The following KCNH1 variants were observed in gnomAD, a reference collection of about 807,000 sequenced individuals.
KCNH1 encodes the protein voltage-gated delayed rectifier potassium channel KCNH1.
KCNH1 carries 27 observed loss-of-function variants against 69.2 expected under a neutral mutation model. The ratio of observed to expected loss-of-function variants is 0.39; its 90% CI spans 0.29 to 0.54. The LOEUF (loss-of-function observed/expected upper bound fraction) is 0.54, where lower values mean the gene tolerates loss of function less well. Ranked by LOEUF, KCNH1 falls within the 20% of genes least tolerant of loss-of-function variation. The pLI, the probability that KCNH1 is intolerant of heterozygous loss-of-function variation, is 0.68. For synonymous variants in KCNH1, 456 were observed against 487.7 expected (o/e 0.93, Z 0.86); for missense variants, 798 against 1,261.6 (o/e 0.63, Z 5.57).
rs111608341 is a variant in KCNH1 at position 210,813,929 on chromosome 1, G to C, written c.1463-9763C>G. On this transcript the variant is annotated intron_variant, in intron 7 of 10. Coordinates refer to ENST00000271751, the MANE Select transcript of KCNH1 (RefSeq NM_172362.3). ...TATAAATGGGAGTTTCCCCACACAA[G>C]TTTTCTCTCTTGTCTGCCACCATGT... 6.1e-3 allele frequency among the ~76,000 whole-genome samples: 923 copies of C among 152,256 alleles called. 17 individuals carry two copies. The highest frequency in any genetic ancestry group is 0.021 in the African/African-American group (868 of 41,568).
At position 210,814,775 on chromosome 1, in the gene KCNH1, G is replaced by T. The variant is rs149075954; in HGVS notation, c.1463-10609C>A. On this transcript the variant is annotated intron_variant, in intron 7 of 10. Coordinates refer to ENST00000271751, the MANE Select transcript of KCNH1 (RefSeq NM_172362.3). ...TTAGTTTTCTTTCCTGAACCACCCA[G>T]TGTTCATATTTTTCCATCAATCATC... Among the ~76,000 whole-genome samples, 4 of 152,166 alleles carry T rather than the reference G, an allele frequency of 2.6e-5. No homozygotes were observed. The South Asian group carries it at 8.3e-4, about 31-fold the overall frequency.
chr1:211,021,265 T>C (rs1357894386), intron 5 of KCNH1, among the ~76,000 whole-genome samples: 1 of 151,878 alleles, frequency 6.6e-6, no homozygotes, highest in East Asian at 1.9e-4. Context: ...AAGAACTTAT[T>C]CATATAACCA....
rs1164561006 is a variant in KCNH1, at chr1:210,679,514, ATCTTCCTATACCTAG to A, written c.*3752_*3766del. The A allele has an allele frequency of 6.6e-6, 1 of 152,272 alleles. No individual in the cohort carries two copies. Among genetic ancestry groups the A allele is most frequent in the Non-Finnish European group, 1.5e-5 (1 of 68,070 alleles). 9.4% of individuals were successfully genotyped at this position (152,272 alleles called of 1,614,324 possible). ...GTCAGTGCAACAAGGGGAAATGAGA[ATCTTCCTATACCTAG>A]TCTTCCTATACCTAGTATTCCTAAA... is the stretch of plus-strand genomic sequence containing the variant. On this transcript the variant is annotated 3_prime_UTR_variant, in exon 11 of 11. Coordinates refer to ENST00000271751, the MANE Select transcript of KCNH1 (RefSeq NM_172362.3).
intron 7 of KCNH1, among the ~76,000 whole-genome samples, chr1:210,826,320 G>A (rs1373530642): frequency 1.3e-5 from 2 of 151,900 alleles, no homozygotes; most frequent in Non-Finnish European, 2.9e-5. Context: ...ATGGGTTTAT[G>A]AGGAGCTATC....
At chr1:210,853,584 G>A (rs563444623) in intron 7 of KCNH1, among the ~76,000 whole-genome samples, 5 of 152,308 alleles carry the variant, frequency 3.3e-5, no homozygotes, top group African/African-American at 1.2e-4. Context: ...ACAGAGCCCA[G>A]GCCCAGCCTG....
chr1:211,127,121 C>A (rs984685957), intron 1 of KCNH1, among the ~76,000 whole-genome samples: 1 of 152,196 alleles, frequency 6.6e-6, no homozygotes, highest in African/African-American at 2.4e-5. Context: ...ATCACAAAAG[C>A]TGTACTCATT....
intron 1 of KCNH1, among the ~76,000 whole-genome samples, chr1:211,130,840 TA>T (rs1164984156): frequency 6.6e-6 from 1 of 152,218 alleles, no homozygotes; most frequent in Non-Finnish European, 1.5e-5. Flanking sequence ...TGCCTTCAGC[TA>T]AACCACTGAC....
At chr1:210,908,595 T>A (rs1230745435) in intron 7 of KCNH1, among the ~76,000 whole-genome samples, 1 of 152,162 alleles carries the variant, frequency 6.6e-6, no homozygotes, top group Non-Finnish European at 1.5e-5. Context: ...GTATGTTCTC[T>A]GTTAATTTGA....
chr1:210,806,204 T>C (rs1375177396), intron 7 of KCNH1, among the ~76,000 whole-genome samples: 1 of 152,222 alleles, frequency 6.6e-6, no homozygotes, highest in Admixed American at 6.5e-5. Flanking sequence ...AGTTCCAGTG[T>C]CTCAATATCC....
chr1:210,872,149 C>CAAAAAAAAAA (rs60497732), intron 7 of KCNH1, among the ~76,000 whole-genome samples: 1 of 77,700 alleles, frequency 1.3e-5, no homozygotes. Context: ...GGAAGAGCAC[C>CAAAAAAAAAA]AAAAAAAAAA....
intron 9 of KCNH1, among the ~76,000 whole-genome samples, chr1:210,778,921 A>G (rs189575796): frequency 6.6e-6 from 1 of 152,342 alleles, no homozygotes; most frequent in Non-Finnish European, 1.5e-5. Flanking sequence ...TAGGTAAAAT[A>G]GTAGCACTGC....
At chr1:210,911,818 C>A (rs1242376182) in intron 7 of KCNH1, among the ~76,000 whole-genome samples, 5 of 152,154 alleles carry the variant, frequency 3.3e-5, no homozygotes, top group African/African-American at 9.7e-5. Flanking sequence ...CCACAATACA[C>A]ACAAGATATT....
At chr1:210,827,767 G>A (rs750495793) in intron 7 of KCNH1, among the ~76,000 whole-genome samples, 3 of 152,106 alleles carry the variant, frequency 2.0e-5, no homozygotes, top group Non-Finnish European at 4.4e-5. Flanking sequence ...TCACAAACCA[G>A]CTCCAATAGT....
chr1:210,968,676 G>A (rs1372555010), intron 6 of KCNH1, among the ~76,000 whole-genome samples: 2 of 152,144 alleles, frequency 1.3e-5, no homozygotes, highest in African/African-American at 4.8e-5. Context: ...GTTTAGAGAA[G>A]TGTCTGTTCA....
chr1:210,859,345 T>A, intron 7 of KCNH1: 1 of 1,524,008 alleles, frequency 6.6e-7, no homozygotes, highest in Non-Finnish European at 9.1e-7. Flanking sequence ...ATTAAGACCA[T>A]GAGTCAGACC....
chr1:210,986,880 T>C (rs1046085120), intron 6 of KCNH1, among the ~76,000 whole-genome samples: 4 of 152,264 alleles, frequency 2.6e-5, no homozygotes, highest in African/African-American at 7.2e-5. Flanking sequence ...GCAGAGTGTT[T>C]TCCAACTTGG....
intron 6 of KCNH1, among the ~76,000 whole-genome samples, chr1:211,016,234 A>G (rs1046797573): frequency 1.3e-5 from 2 of 152,024 alleles, no homozygotes; most frequent in East Asian, 3.9e-4. Context: ...TGGTTTGGAA[A>G]GAGTTCCAAC....
At chr1:210,876,309 T>G (rs1027130036) in intron 7 of KCNH1, among the ~76,000 whole-genome samples, 1 of 152,196 alleles carries the variant, frequency 6.6e-6, no homozygotes, top group African/African-American at 2.4e-5. Flanking sequence ...CATCTCTGTT[T>G]GGCATCTCAA....
At chr1:210,921,219 G>C (rs1286335600) in intron 6 of KCNH1, among the ~76,000 whole-genome samples, 1 of 152,168 alleles carries the variant, frequency 6.6e-6, no homozygotes, top group East Asian at 1.9e-4. Context: ...AACCTAAGGT[G>C]TTCTAAGGTG....
Sources: allele counts gnomAD v4.1 joint callset (sites outside exome capture counted in the v4.1 genomes callset), GRCh38; gene constraint gnomAD v4.1.1; transcripts MANE v1.5; gene names NCBI Gene and HGNC (gene_info 2026-07-23, HGNC 2026-07-21).